The following NSMAF variants were observed in gnomAD, a reference collection of about 807,000 sequenced individuals.
NSMAF encodes neutral sphingomyelinase activation associated factor.
Under a neutral mutation model 134.9 loss-of-function variants are expected in NSMAF, and 90 were observed. The observed-to-expected ratio is 0.67, with a 90% CI of 0.56 to 0.79. The LOEUF (loss-of-function observed/expected upper bound fraction) is 0.79, where lower values mean the gene tolerates loss of function less well. NSMAF is among the 30% of genes least tolerant of loss of function. The probability of loss-of-function intolerance (pLI) is 0.00; values close to 1 mark genes in which losing one functional copy is unlikely to be tolerated. For synonymous variants in NSMAF, 358 were observed against 389.6 expected (o/e 0.92, Z 0.96); for missense variants, 1,010 against 1,119.0 (o/e 0.90, Z 1.39).
In NSMAF at chr8:58,623,748, A is replaced by C; in HGVS notation, c.417T>G (p.Val139=). Residue 139 remains valine (V), a synonymous_variant, in exon 7 of 31, where the codon GTT becomes GTG. Transcript: ENST00000038176. ...GKMEYVFELD[V]PGKVEDVVET... The stretch of plus-strand genomic sequence containing the variant: ...CCACAACATCTTCCACTTTCCCGGG[A>C]ACATCCAATTCAAAAACATATTCCA... 2 of 1,614,144 alleles carry C rather than the reference A, an allele frequency of 1.2e-6. No homozygotes were observed. Among genetic ancestry groups the C allele is most frequent in the Non-Finnish European group, 1.7e-6 (2 of 1,180,004 alleles).
At chr8:58,634,965 C>A (rs575992811) in intron 5 of NSMAF, among the ~76,000 whole-genome samples, 13 of 152,252 alleles carry the variant, frequency 8.5e-5, no homozygotes, top group African/African-American at 2.9e-4. Context: ...GTGAGAGCTC[C>A]AAGGACAAAA....
In NSMAF at chr8:58,590,875, A is replaced by G; in HGVS notation, c.2011T>C (p.Ser671Pro). ...TATTAAAATGAACTCACCATATTTG[A>G]AAATGATATACTTCTTTGTAGCATT... The part of the protein sequence containing the change: ...SKMLQRSISF[S>P]NMALSSCLLL... The change falls in exon 24 of 31, where the codon TCA becomes CCA. Residue 671 changes from serine (S) to proline (P), a missense_variant. By Grantham distance (74) the Ser-to-Pro change is moderately conservative. Transcript: ENST00000038176. 6.4e-7 allele frequency: 1 copy of G among 1,560,704 alleles called. No homozygotes were observed. Among genetic ancestry groups the G allele is most frequent in the Non-Finnish European group, 8.8e-7 (1 of 1,139,430 alleles).
At chr8:58,600,103 T>C in intron 16 of NSMAF, 82 bp from the exon 17 acceptor site, 4 of 982,200 alleles carry the variant, frequency 4.1e-6, no homozygotes, top group Non-Finnish European at 6.4e-6. Context: ...GGGGCTGTTC[T>C]ACACTTTACC....
rs374571319 is a variant in NSMAF, at chr8:58,643,087, G to A, written c.60-14C>T. On this transcript the variant is annotated splice_polypyrimidine_tract_variant and intron_variant, in intron 1 of 30. Transcript: ENST00000038176. ...AGCAAGGAAAATCTGGATTTGGGGC[G>A]AAAAAACAACTTTCAGTTTATTTTT... 74 of 1,597,548 alleles carry A rather than the reference G, an allele frequency of 4.6e-5. No individual in the cohort carries two copies. The highest frequency in any genetic ancestry group is 9.9e-5 in the South Asian group (9 of 90,660).
chr8:58,587,727 T>C (rs769339659), intron 26 of NSMAF, 26 bp from the exon 27 acceptor site: 5 of 1,595,226 alleles, frequency 3.1e-6, no homozygotes, highest in Non-Finnish European at 4.3e-6. Flanking sequence ...TTGCAGAAGG[T>C]ATTTTCAAAC....
In NSMAF at chr8:58,586,035, A is replaced by G. The variant is rs113969235; in HGVS notation, c.2447-35T>C. The G allele has an allele frequency of 4.5e-3, 6,649 of 1,491,038 alleles. 228 individuals are homozygous for G. In the African/African-American group the frequency reaches 0.08, roughly 18 times the overall value. 92.4% of individuals were successfully genotyped at this position (1,491,038 alleles called of 1,614,324 possible). On this transcript the variant is annotated intron_variant, in intron 28 of 30. Transcript: ENST00000038176. ...AAGGTGAGACTCAGATATGAGTGACAGCTTCAGAATGTGGTTTACATTATT... is the reference window on the plus strand; with the variant it reads ...AAGGTGAGACTCAGATATGAGTGACGGCTTCAGAATGTGGTTTACATTATT...
intron 21 of NSMAF, chr8:58,596,030 G>C (rs1806129582): frequency 5.3e-6 from 1 of 190,300 alleles, no homozygotes; most frequent in South Asian, 7.8e-5. Context: ...TCTGGTGTGG[G>C]GTGGGGAAAG....
chr8:58,613,304 C>A (rs1264587254), intron 9 of NSMAF, among the ~76,000 whole-genome samples: 2 of 151,840 alleles, frequency 1.3e-5, no homozygotes, highest in Non-Finnish European at 2.9e-5. Flanking sequence ...CATAAATTAG[C>A]CACAAGATAA....
Position 58,587,676 on chromosome 8 carries a change from A to T in NSMAF, c.2237T>A (p.Met746Lys). ...AAAGTGGTGTCTTTTGGTGCCTGGCATCTCTGCAGGAACACCAGACCACAC... is the reference window on the plus strand; with the variant it reads ...AAAGTGGTGTCTTTTGGTGCCTGGCTTCTCTGCAGGAACACCAGACCACAC... Reference protein sequence around the residue: ...VKVWSGVPAEMPGTKRHHFDL... With the variant: ...VKVWSGVPAEKPGTKRHHFDL... The change falls in exon 27 of 31, where the codon ATG (methionine) becomes AAG (lysine). Residue 746 changes from methionine to lysine, a missense_variant. Transcript: ENST00000038176. 1.2e-6 allele frequency: 2 copies of T among 1,614,172 alleles called. No individual in the cohort carries two copies. The highest frequency in any genetic ancestry group is 1.7e-6 in the Non-Finnish European group (2 of 1,180,014).
chr8:58,589,782 TC>T (rs1805981256), intron 25 of NSMAF: 2 of 634,004 alleles, frequency 3.2e-6, no homozygotes, highest in Non-Finnish European at 5.0e-6. Flanking sequence ...ATCTGTTTTC[TC>T]CTCAATTTAA....
intron 1 of NSMAF, among the ~76,000 whole-genome samples, chr8:58,657,456 T>C (rs908222242): frequency 6.6e-6 from 1 of 151,972 alleles, no homozygotes; most frequent in Non-Finnish European, 1.5e-5. Context: ...ACGAATCCAA[T>C]CCATTTGCTA....
intron 11 of NSMAF, among the ~76,000 whole-genome samples, chr8:58,607,250 T>C (rs1275610668): frequency 6.6e-6 from 1 of 152,246 alleles, no homozygotes; most frequent in African/African-American, 2.4e-5. Flanking sequence ...GACCTAAGTA[T>C]AGAAATACAC....
chr8:58,585,927 G>A lies in NSMAF; in HGVS notation c.2520C>T (p.Ile840=), dbSNP rs1193727005. 6.2e-7 allele frequency: 1 copy of A among 1,613,850 alleles called. No homozygotes were observed. The highest frequency in any genetic ancestry group is 8.5e-7 in the Non-Finnish European group (1 of 1,179,942). ...NVIDVQTGML[I]SSMTSDEPQR... ...GGGGCTCATCTGATGTCATGGAGGA[G>A]ATGAGCATTCCTGTCTGCACATCAA... Residue 840 remains isoleucine, a synonymous_variant, in exon 29 of 31, where the codon ATC becomes ATT. Coordinates refer to ENST00000038176, the MANE Select transcript of NSMAF (RefSeq NM_003580.4).
intron 9 of NSMAF, among the ~76,000 whole-genome samples, chr8:58,622,721 A>G (rs1806816961): frequency 2.0e-5 from 3 of 152,048 alleles, no homozygotes; most frequent in Non-Finnish European, 4.4e-5. Context: ...TTTTGCAGAG[A>G]CAGGATCTCA....
intron 5 of NSMAF, 78 bp from the exon 6 acceptor site, chr8:58,631,624 TATCA>T: frequency 1.3e-6 from 1 of 779,654 alleles, no homozygotes; most frequent in South Asian, 1.9e-5. Flanking sequence ...ATCAGAACAT[TATCA>T]ATCAAAAGTT....
intron 5 of NSMAF, among the ~76,000 whole-genome samples, chr8:58,633,152 G>A (rs991257906): frequency 2.0e-5 from 3 of 152,092 alleles, no homozygotes; most frequent in Non-Finnish European, 4.4e-5. Flanking sequence ...TTCTCTCTGC[G>A]CTTTATTCTA....
intron 1 of NSMAF, among the ~76,000 whole-genome samples, chr8:58,655,340 C>CA (rs959371566): frequency 6.6e-6 from 1 of 151,212 alleles, no homozygotes; most frequent in African/African-American, 2.4e-5. Flanking sequence ...GATAGTAAAG[C>CA]AAAAAAATTT....
intron 27 of NSMAF, among the ~76,000 whole-genome samples, chr8:58,586,994 C>T (rs533715459): frequency 2.0e-5 from 3 of 152,276 alleles, no homozygotes; most frequent in South Asian, 2.1e-4. Flanking sequence ...CGGAATCTCT[C>T]GAGGCTATAC....
intron 22 of NSMAF, chr8:58,594,502 C>CT (rs377060846): frequency 7.9e-5 from 45 of 566,276 alleles, no homozygotes; most frequent in African/African-American, 7.5e-4. Flanking sequence ...AAAACATCCC[C>CT]ACTCTTTGCT....
Sources: allele counts gnomAD v4.1 joint callset (sites outside exome capture counted in the v4.1 genomes callset), GRCh38; gene constraint gnomAD v4.1.1; transcripts MANE v1.5; gene names NCBI Gene and HGNC (gene_info 2026-07-23, HGNC 2026-07-21).